Variants in ANTXR2 observed in about 807,000 individuals in gnomAD.
The protein encoded by ANTXR2 is anthrax toxin receptor 2.
In ANTXR2, 44 loss-of-function variants were observed where a neutral mutation model predicts 73.7. The ratio of observed to expected loss-of-function variants is 0.60; its 90% CI spans 0.47 to 0.77. The LOEUF (loss-of-function observed/expected upper bound fraction) is 0.77. Ranked by LOEUF, ANTXR2 falls within the 30% of genes least tolerant of loss-of-function variation. The pLI, the probability that ANTXR2 is intolerant of heterozygous loss-of-function variation, is 0.00. For synonymous variants in ANTXR2, 217 were observed against 205.9 expected, an observed-to-expected ratio of 1.05 and a Z score of -0.46; for missense variants, 604 against 592.5, an observed-to-expected ratio of 1.02 and a Z score of -0.20.
At chr4:79,973,138 G>A (rs945700939) in intron 16 of ANTXR2, among the ~76,000 whole-genome samples, 21 of 151,960 alleles carry the variant, frequency 1.4e-4, no homozygotes, top group South Asian at 2.1e-4. Context: ...GGGAGGAAGG[G>A]AAGTAAGATA....
At position 79,921,978 on chromosome 4, in the gene ANTXR2, T is replaced by G. The variant is rs75210509; in HGVS notation, c.1429-14511A>C. ...AATAAATCCCAAATCACTATTTAATTTTGAATATTTATTACAGATGTATGA... is the reference window on the plus strand; with the variant it reads ...AATAAATCCCAAATCACTATTTAATGTTGAATATTTATTACAGATGTATGA... On this transcript the variant is annotated intron_variant, in intron 16 of 16. Transcript: ENST00000403729. Among the ~76,000 whole-genome samples the G allele has an allele frequency of 8.2e-3, 1,251 of 152,122 alleles. 16 individuals are homozygous for G. Among genetic ancestry groups the G allele is most frequent in the African/African-American group, 0.029 (1,189 of 41,542 alleles).
rs192591618 is a variant in ANTXR2 at position 79,926,672 on chromosome 4, G to A, written c.1429-19205C>T. Among the ~76,000 whole-genome samples the A allele has an allele frequency of 5.0e-3, 768 of 152,204 alleles. 8 individuals are homozygous for A. Among genetic ancestry groups the A allele is most frequent in the Middle Eastern group, 0.014 (4 of 294 alleles). On this transcript the variant is annotated intron_variant, in intron 16 of 16. Transcript: ENST00000403729. ...ATTTCTTACATAGGAAATCTGCTGT[G>A]AAGTTACTCTAACTTATTATCTAAG...
chr4:79,993,735 G>A (rs1467494096), intron 12 of ANTXR2, among the ~76,000 whole-genome samples: 1 of 106,722 alleles, frequency 9.4e-6, no homozygotes, highest in Non-Finnish European at 2.0e-5. Flanking sequence ...CCTAGAGTCT[G>A]GCAATACACC....
intron 7 of ANTXR2, among the ~76,000 whole-genome samples, chr4:80,047,221 A>T (rs1733559073): frequency 6.6e-6 from 1 of 151,714 alleles, no homozygotes; most frequent in South Asian, 2.1e-4. Flanking sequence ...AAAAGAAAAT[A>T]ATAATATTAT....
intron 16 of ANTXR2, among the ~76,000 whole-genome samples, chr4:79,945,431 T>C (rs1283008097): frequency 2.6e-5 from 4 of 152,160 alleles, no homozygotes; most frequent in African/African-American, 9.7e-5. Context: ...TATCAATGGC[T>C]AAAATAGTTC....
chr4:80,016,187 T>C (rs1731862102), intron 11 of ANTXR2, among the ~76,000 whole-genome samples: 1 of 152,170 alleles, frequency 6.6e-6, no homozygotes, highest in Non-Finnish European at 1.5e-5. Flanking sequence ...AGTTTGGGAA[T>C]CACAGCCTGT....
chr4:80,023,800 C>T (rs1207798620), intron 10 of ANTXR2, among the ~76,000 whole-genome samples: 3 of 152,022 alleles, frequency 2.0e-5, no homozygotes, highest in Non-Finnish European at 4.4e-5. Context: ...ACTCCAGCAA[C>T]AAAAGAGGGT....
intron 3 of ANTXR2, among the ~76,000 whole-genome samples, chr4:80,068,166 A>G (rs1220100698): frequency 3.9e-5 from 6 of 152,172 alleles, no homozygotes; most frequent in Non-Finnish European, 7.3e-5. Context: ...ATTATAAATA[A>G]GTTCTCTCCC....
At chr4:79,998,399 G>A (rs1328598875) in intron 12 of ANTXR2, among the ~76,000 whole-genome samples, 1 of 151,928 alleles carries the variant, frequency 6.6e-6, no homozygotes, top group African/African-American at 2.4e-5. Context: ...GGTATTATTT[G>A]CAGCTATATA....
chr4:79,978,735 G>A (rs1422003544), intron 14 of ANTXR2, among the ~76,000 whole-genome samples: 1 of 152,202 alleles, frequency 6.6e-6, no homozygotes, highest in Non-Finnish European at 1.5e-5. Flanking sequence ...TGACAGGGCA[G>A]GGATTCGAAC....
At chr4:79,986,466 T>G (rs1456260614) in intron 12 of ANTXR2, among the ~76,000 whole-genome samples, 1 of 152,236 alleles carries the variant, frequency 6.6e-6, no homozygotes, top group Non-Finnish European at 1.5e-5. Context: ...TTTAAAGGTA[T>G]GTACAAATAT....
At chr4:80,044,964 A>G (rs1229594879) in intron 7 of ANTXR2, among the ~76,000 whole-genome samples, 1 of 151,878 alleles carries the variant, frequency 6.6e-6, no homozygotes, top group Non-Finnish European at 1.5e-5. Flanking sequence ...AACAGAGCAT[A>G]TAACACTAAG....
chr4:80,005,771 TA>T (rs1731273250), intron 12 of ANTXR2, among the ~76,000 whole-genome samples: 1 of 152,098 alleles, frequency 6.6e-6, no homozygotes, highest in Non-Finnish European at 1.5e-5. Context: ...GATACAGTCT[TA>T]AATAATTTTT....
intron 16 of ANTXR2, among the ~76,000 whole-genome samples, chr4:79,917,527 T>C (rs1408260330): frequency 6.6e-6 from 1 of 152,164 alleles, no homozygotes; most frequent in African/African-American, 2.4e-5. Context: ...TTAAGGGGAC[T>C]GTGGCAGTTA....
chr4:80,019,547 G>C (rs898611598), intron 10 of ANTXR2, among the ~76,000 whole-genome samples: 1 of 152,142 alleles, frequency 6.6e-6, no homozygotes, highest in Non-Finnish European at 1.5e-5. Flanking sequence ...AAAATGCCAA[G>C]GTTGTTTCAG....
At chr4:79,985,206 C>A (rs978933078) in intron 12 of ANTXR2, among the ~76,000 whole-genome samples, 1 of 151,646 alleles carries the variant, frequency 6.6e-6, no homozygotes, top group African/African-American at 2.4e-5. Flanking sequence ...AAAAATTAGC[C>A]GGGCGTGGTG....
intron 12 of ANTXR2, among the ~76,000 whole-genome samples, chr4:79,996,333 G>A (rs1730726978): frequency 6.6e-6 from 1 of 151,432 alleles, no homozygotes; most frequent in Non-Finnish European, 1.5e-5. Context: ...ATGGATGGAT[G>A]GATGGATGGA....
chr4:80,001,613 T>C (rs62298616), intron 12 of ANTXR2, among the ~76,000 whole-genome samples: 15,320 of 150,016 alleles, frequency 0.1, 1,777 homozygotes, highest in East Asian at 0.64. Context: ...TTGTTAACTT[T>C]CTGTCTCGTT....
Position 80,070,401 on chromosome 4 carries a change from G to T in ANTXR2, c.225-894C>A, listed in dbSNP as rs962857955. The stretch of plus-strand genomic sequence containing the variant: ...GCTTGCTTCTTTAAAATGTTGTAGT[G>T]ATGTGATTCATTGCTTTTGATCAAA... On this transcript the variant is annotated intron_variant, in intron 2 of 16. Coordinates refer to ENST00000403729, the MANE Select transcript of ANTXR2 (RefSeq NM_058172.6). Among the ~76,000 whole-genome samples, 7 of 152,300 alleles carry T rather than the reference G, an allele frequency of 4.6e-5. No homozygotes were observed. In the Middle Eastern group the frequency reaches 0.01, roughly 222 times the overall value.
Sources: gnomAD v4.1 joint callset for allele counts (sites outside exome capture counted in the v4.1 genomes callset) on GRCh38, gnomAD v4.1.1 for gene constraint, MANE v1.5 for transcripts, NCBI Gene and HGNC (gene_info 2026-07-23, HGNC 2026-07-21) for gene names.